Variants in C16orf74 observed in about 807,000 individuals in gnomAD.
C16orf74 encodes the protein uncharacterized protein C16orf74.
C16orf74 carries 10 observed loss-of-function variants against 6.5 expected under a neutral mutation model. That is an observed-to-expected ratio of 1.54 (90% CI 0.95 to 2.61). The LOEUF is 2.61. C16orf74 is among the 30% of genes most tolerant of loss of function. The probability of loss-of-function intolerance (pLI) is 0.00; values close to 1 mark genes in which losing one functional copy is unlikely to be tolerated. For synonymous variants in C16orf74, 60 were observed against 42.5 expected, an observed-to-expected ratio of 1.41 and a Z score of -1.60; for missense variants, 141 against 105.9, an observed-to-expected ratio of 1.33 and a Z score of -1.45.
At chr16:85,712,961 G>A (rs1485041087) in intron 2 of C16orf74, among the ~76,000 whole-genome samples, 2 of 152,218 alleles carry the variant, frequency 1.3e-5, no homozygotes, top group Non-Finnish European at 2.9e-5. Flanking sequence ...GCTCCAAAGT[G>A]AGCAATCAAT....
At chr16:85,719,481 G>A (rs1423654863) in intron 2 of C16orf74, among the ~76,000 whole-genome samples, 1 of 152,150 alleles carries the variant, frequency 6.6e-6, no homozygotes, top group African/African-American at 2.4e-5. Flanking sequence ...CTGATCGTTT[G>A]ATCCTCCCAG....
chr16:85,742,288 G>A (rs966451743), intron 1 of C16orf74, among the ~76,000 whole-genome samples: 4 of 152,110 alleles, frequency 2.6e-5, no homozygotes, highest in African/African-American at 7.2e-5. Context: ...AATGAGAATC[G>A]CTTGAACCTG....
chr16:85,708,120 G>T, intron 3 of C16orf74, 54 bp from the exon 4 acceptor site: 1 of 1,452,094 alleles, frequency 6.9e-7, no homozygotes, highest in Non-Finnish European at 9.5e-7. Flanking sequence ...ACCACACCAA[G>T]CCCCGTTTCC....
At chr16:85,709,254 T>C (rs1323290425) in intron 3 of C16orf74, among the ~76,000 whole-genome samples, 1 of 152,152 alleles carries the variant, frequency 6.6e-6, no homozygotes, top group Non-Finnish European at 1.5e-5. Flanking sequence ...CTCAGGAGGC[T>C]GAGGCAGAAC....
intron 2 of C16orf74, 130 bp downstream of exon 2, chr16:85,735,060 A>G (rs1485350618): frequency 3.0e-6 from 2 of 669,364 alleles, no homozygotes; most frequent in Admixed American, 3.8e-5. Flanking sequence ...TGCTGTGTAC[A>G]GGACTGCTTT....
chr16:85,734,497 ACT>A (rs201764971), intron 2 of C16orf74, among the ~76,000 whole-genome samples: 1,914 of 152,202 alleles, frequency 0.013, 38 homozygotes, highest in African/African-American at 0.044. Context: ...CACTCACACC[ACT>A]GGCCATGGGA....
At chr16:85,724,289 C>T (rs2054111235) in intron 2 of C16orf74, among the ~76,000 whole-genome samples, 1 of 152,198 alleles carries the variant, frequency 6.6e-6, no homozygotes, top group Non-Finnish European at 1.5e-5. Flanking sequence ...TCCCTGGAGG[C>T]TCATTCCTCA....
At chr16:85,719,227 G>A (rs946492557) in intron 2 of C16orf74, among the ~76,000 whole-genome samples, 1 of 152,232 alleles carries the variant, frequency 6.6e-6, no homozygotes, top group Non-Finnish European at 1.5e-5. Context: ...TGCCCTGCAT[G>A]GCCCCAGGTG....
At chr16:85,713,289 T>C (rs1046644535) in intron 2 of C16orf74, among the ~76,000 whole-genome samples, 6 of 152,284 alleles carry the variant, frequency 3.9e-5, no homozygotes, top group Non-Finnish European at 8.8e-5. Flanking sequence ...TGCTTTTTTT[T>C]TGAGACGGAT....
chr16:85,725,792 T>C (rs2152061589), intron 2 of C16orf74, among the ~76,000 whole-genome samples: 1 of 152,294 alleles, frequency 6.6e-6, no homozygotes. Flanking sequence ...TTTGTAGAGA[T>C]GGGGTTTCAC....
intron 1 of C16orf74, 31 bp from the exon 2 acceptor site, chr16:85,735,266 G>C (rs1332824779): frequency 6.5e-7 from 1 of 1,529,954 alleles, no homozygotes; most frequent in Non-Finnish European, 8.8e-7. Context: ...TGAGAGAGGG[G>C]AGGGCGCGAC....
intron 2 of C16orf74, 40 bp downstream of exon 2, chr16:85,735,150 C>A (rs1319402655): frequency 3.8e-6 from 6 of 1,585,564 alleles, no homozygotes; most frequent in Non-Finnish European, 3.4e-6. Flanking sequence ...AGCACCCCCT[C>A]TGCCATGAGA....
At chr16:85,739,239 A>T (rs1242096043) in intron 1 of C16orf74, among the ~76,000 whole-genome samples, 1 of 152,206 alleles carries the variant, frequency 6.6e-6, no homozygotes, top group African/African-American at 2.4e-5. Context: ...ACCTCCCTGG[A>T]CTGTGGCTGC....
chr16:85,738,865 TG>T (rs1215621885), intron 1 of C16orf74, among the ~76,000 whole-genome samples: 2 of 152,152 alleles, frequency 1.3e-5, no homozygotes, highest in African/African-American at 4.8e-5. Context: ...CCCATGAAGT[TG>T]GGACCGTTCC....
intron 1 of C16orf74, among the ~76,000 whole-genome samples, chr16:85,743,013 G>T (rs184323982): frequency 6.6e-6 from 1 of 152,296 alleles, no homozygotes; most frequent in East Asian, 1.9e-4. Flanking sequence ...ATTGCCACTA[G>T]GTACCACCAG....
chr16:85,735,096 C>A, intron 2 of C16orf74, 94 bp downstream of exon 2: 2 of 1,109,428 alleles, frequency 1.8e-6, no homozygotes, highest in East Asian at 2.7e-5. Context: ...GCTCCCTCTG[C>A]AGGGCAGAGG....
At chr16:85,720,111 G>A (rs1475871071) in intron 2 of C16orf74, among the ~76,000 whole-genome samples, 1 of 152,038 alleles carries the variant, frequency 6.6e-6, no homozygotes, top group Non-Finnish European at 1.5e-5. Flanking sequence ...GATGAGGCTG[G>A]GGTAGCTCTT....
chr16:85,743,577 TA>T (rs1439919512), intron 1 of C16orf74: 5 of 152,198 alleles, frequency 3.3e-5, no homozygotes, highest in African/African-American at 1.2e-4. Flanking sequence ...GCCAGAATTC[TA>T]GATTGTTTGA....
chr16:85,737,774 T>C (rs996960708), intron 1 of C16orf74, among the ~76,000 whole-genome samples: 1 of 152,086 alleles, frequency 6.6e-6, no homozygotes, highest in South Asian at 2.1e-4. Context: ...GAGGTTGCAG[T>C]GAACCAAGAT....
Sources: allele counts gnomAD v4.1 joint callset (sites outside exome capture counted in the v4.1 genomes callset), GRCh38; gene constraint gnomAD v4.1.1; transcripts MANE v1.5; gene names NCBI Gene and HGNC (gene_info 2026-07-23, HGNC 2026-07-21).